Variants in RMDN2 observed in about 807,000 individuals in gnomAD.
The protein encoded by RMDN2 is regulator of microtubule dynamics 2, also known as regulator of microtubule dynamics protein 2.
Under a neutral mutation model 52.8 loss-of-function variants are expected in RMDN2, and 61 were observed. The ratio of observed to expected loss-of-function variants is 1.16; its 90% confidence interval spans 0.94 to 1.43. The LOEUF (loss-of-function observed/expected upper bound fraction) is 1.43, where lower values mean the gene tolerates loss of function less well. RMDN2 is among the 40% of genes most tolerant of loss of function. The probability of loss-of-function intolerance (pLI) is 0.00; values close to 1 mark genes in which losing one functional copy is unlikely to be tolerated. For synonymous variants in RMDN2, 180 were observed against 153.1 expected, an observed-to-expected ratio of 1.18 and a Z score of -1.30; for missense variants, 592 against 475.3, an observed-to-expected ratio of 1.25 and a Z score of -2.28.
chr2:37,989,511 A>T, intron 5 of RMDN2, 30 bp from the exon 6 acceptor site: 1 of 1,497,474 alleles, frequency 6.7e-7, no homozygotes, highest in Admixed American at 1.8e-5. Flanking sequence ...CACAGTGGCC[A>T]CTGTTTTTGT....
In RMDN2 at chr2:37,977,317, C is replaced by T. The variant is rs181422620; in HGVS notation, c.730+2003C>T. On this transcript the variant is annotated intron_variant, in intron 4 of 10. Coordinates refer to ENST00000354545, the MANE Select transcript of RMDN2 (RefSeq NM_001170791.3). Reference sequence around the variant, plus strand: ...CCCCCTTTTCTATTCGACAAAACCGCCATCGTCATCATGGCCCGTTCTCAA... The same window carrying T: ...CCCCCTTTTCTATTCGACAAAACCGTCATCGTCATCATGGCCCGTTCTCAA... Among the ~76,000 whole-genome samples the T allele has an allele frequency of 1.6e-3, 246 of 152,364 alleles. 1 individual carries two copies. Among genetic ancestry groups the T allele is most frequent in the African/African-American group, 5.7e-3 (237 of 41,598 alleles).
At chr2:37,963,001 C>T (rs371887478) in intron 2 of RMDN2, 1 of 152,746 alleles carries the variant, frequency 6.5e-6, no homozygotes, top group African/African-American at 2.4e-5. Flanking sequence ...ATACCCCACC[C>T]TCTTTGGCTC....
intron 1 of RMDN2, among the ~76,000 whole-genome samples, chr2:37,925,746 G>A (rs1483563742): frequency 6.6e-6 from 1 of 152,248 alleles, no homozygotes; most frequent in Non-Finnish European, 1.5e-5. Flanking sequence ...CGGCCCGGCT[G>A]GTCCCTGCAA....
At chr2:37,962,853 G>A (rs979314226) in intron 2 of RMDN2, among the ~76,000 whole-genome samples, 6 of 152,156 alleles carry the variant, frequency 3.9e-5, no homozygotes, top group Non-Finnish European at 5.9e-5. Flanking sequence ...GGAATCTCGC[G>A]GTCTGCGGGT....
At chr2:38,045,872 C>G (rs531530410) in intron 10 of RMDN2, among the ~76,000 whole-genome samples, 2 of 152,282 alleles carry the variant, frequency 1.3e-5, no homozygotes, top group African/African-American at 4.8e-5. Flanking sequence ...TTATGGCCAA[C>G]AAGTGTTGCC....
intron 2 of RMDN2, chr2:37,952,500 G>A (rs1668961844): frequency 4.5e-6 from 2 of 446,572 alleles, no homozygotes; most frequent in South Asian, 6.8e-5. Flanking sequence ...TAATACTTTT[G>A]TGGTCTGAAA....
chr2:37,985,382 A>G (rs1673869551), intron 5 of RMDN2, among the ~76,000 whole-genome samples: 1 of 151,780 alleles, frequency 6.6e-6, no homozygotes, highest in Admixed American at 6.6e-5. Flanking sequence ...TCTGTTTTTT[A>G]TTTATTTATT....
rs368445993 is a variant in RMDN2 at position 37,963,838 on chromosome 2, A to C, written c.453-10202A>C. On this transcript the variant is annotated intron_variant, in intron 2 of 10. Coordinates refer to ENST00000354545, the MANE Select transcript of RMDN2 (RefSeq NM_001170791.3). ...TCTCAATGAGCTGTTGGGTACACCT[A>C]CCAGACGGGGTGGCGGCCGGGCAGA... Among the ~76,000 whole-genome samples the C allele has an allele frequency of 1.1e-3, 164 of 147,298 alleles. 1 individual carries two copies. The East Asian group carries it at 0.023, about 20-fold the overall frequency.
At chr2:38,046,694 A>G (rs1420111522) in intron 10 of RMDN2, among the ~76,000 whole-genome samples, 2 of 152,214 alleles carry the variant, frequency 1.3e-5, no homozygotes, top group Non-Finnish European at 2.9e-5. Flanking sequence ...TTAAAAAAAT[A>G]AGAATCCAGG....
Position 37,963,320 on chromosome 2 carries a change from T to TTC in RMDN2, c.453-10719_453-10718insCT, listed in dbSNP as rs1553357745. 459 of 141,332 alleles carry TTC rather than the reference T, an allele frequency of 3.2e-3. 1 individual carries two copies. The highest frequency in any genetic ancestry group is 5.5e-3 in the Non-Finnish European group (359 of 65,350). 8.8% of individuals were successfully genotyped at this position (141,332 alleles called of 1,614,324 possible). A position where few individuals can be genotyped will look rare whatever the true frequency, so the allele number is the denominator to read the frequency against. On this transcript the variant is annotated intron_variant, in intron 2 of 10. Transcript: ENST00000354545. ...TTGGCTTCATACACGTGAGTTTCTT[T>TTC]TTTTTTTTTTTTTTTAATTGATCAT...
intron 6 of RMDN2, among the ~76,000 whole-genome samples, chr2:37,990,618 T>G (rs1674659463): frequency 6.6e-6 from 1 of 151,670 alleles, no homozygotes; most frequent in African/African-American, 2.4e-5. Flanking sequence ...TGCATATTGA[T>G]TTGGTGGAGG....
rs1465551205 is a variant in RMDN2, at chr2:37,975,306, C to G, written c.722C>G (p.Ala241Gly). The part of the protein sequence containing the change: ...STNTQEKKHY[A>G]NIGKTLSERA... ...AACACACAAGAAAAGAAACATTATGCTAATATTGGTAAGCATTTTGTAAAG... is the reference window on the plus strand; with the variant it reads ...AACACACAAGAAAAGAAACATTATGGTAATATTGGTAAGCATTTTGTAAAG... The change falls in exon 4 of 11, where the codon GCT (alanine) becomes GGT (glycine). Residue 241 changes from alanine to glycine, a missense_variant. Coordinates refer to ENST00000354545, the MANE Select transcript of RMDN2 (RefSeq NM_001170791.3). 1.9e-6 allele frequency: 3 copies of G among 1,555,506 alleles called. No homozygotes were observed. The South Asian group carries it at 3.4e-5, about 17-fold the overall frequency.
chr2:37,999,642 G>A (rs1676046861), intron 8 of RMDN2, among the ~76,000 whole-genome samples: 1 of 152,158 alleles, frequency 6.6e-6, no homozygotes, highest in African/African-American at 2.4e-5. Context: ...CTGGGAAGTG[G>A]AGGAGATGAA....
chr2:37,977,307 G>A (rs925698359), intron 4 of RMDN2, among the ~76,000 whole-genome samples: 2 of 151,994 alleles, frequency 1.3e-5, no homozygotes, highest in African/African-American at 2.4e-5. Flanking sequence ...TTTTCTATTC[G>A]ACAAAACCGC....
chr2:37,999,997 A>G (rs1387022047), intron 8 of RMDN2, among the ~76,000 whole-genome samples: 3 of 152,186 alleles, frequency 2.0e-5, no homozygotes, highest in African/African-American at 7.2e-5. Context: ...ACAGAAAATA[A>G]TATATTTTAT....
At chr2:37,955,685 C>T (rs200177082) in intron 2 of RMDN2, among the ~76,000 whole-genome samples, 2 of 152,116 alleles carry the variant, frequency 1.3e-5, no homozygotes, top group African/African-American at 2.4e-5. Flanking sequence ...GCTTCTTCCT[C>T]ATTTTCTCTT....
At chr2:38,006,082 A>C (rs1476706889) in intron 10 of RMDN2, among the ~76,000 whole-genome samples, 1 of 152,194 alleles carries the variant, frequency 6.6e-6, no homozygotes, top group Non-Finnish European at 1.5e-5. Flanking sequence ...TGGTACCAGT[A>C]CCATGCTGTT....
At chr2:38,059,921 G>A (rs13407652) in intron 10 of RMDN2, among the ~76,000 whole-genome samples, 47,665 of 151,650 alleles carry the variant, frequency 0.31, 9,411 homozygotes, top group South Asian at 0.5. Context: ...TTTTTGAGAC[G>A]GAGTCTCGCT....
intron 2 of RMDN2, among the ~76,000 whole-genome samples, chr2:37,969,501 A>G (rs1374262939): frequency 6.6e-6 from 1 of 151,364 alleles, no homozygotes; most frequent in Non-Finnish European, 1.5e-5. Flanking sequence ...ATAAAATTAT[A>G]TTTTCTTGTT....
Sources: gnomAD v4.1 joint callset for allele counts (sites outside exome capture counted in the v4.1 genomes callset) on GRCh38, gnomAD v4.1.1 for gene constraint, MANE v1.5 for transcripts, NCBI Gene and HGNC (gene_info 2026-07-23, HGNC 2026-07-21) for gene names.